Variants in ERC2 observed in about 807,000 individuals in gnomAD.
ERC2 encodes ERC protein 2.
A neutral mutation model predicts 114.8 loss-of-function variants in ERC2; 42 were observed. The ratio of observed to expected loss-of-function variants is 0.37; its 90% CI spans 0.29 to 0.47. ERC2 has a LOEUF of 0.47. Among genes scored for constraint, ERC2 ranks in the 20% least tolerant of loss-of-function variants. ERC2 has a pLI of 0.99. For missense variants in ERC2, 939 were observed against 1,150.7 expected, an observed-to-expected ratio of 0.82 and a Z score of 2.66; for synonymous variants, 454 against 425.5, an observed-to-expected ratio of 1.07 and a Z score of -0.82.
At chr3:56,460,223 G>C (rs1025820405) in intron 1 of ERC2, among the ~76,000 whole-genome samples, 1 of 152,208 alleles carries the variant, frequency 6.6e-6, no homozygotes, top group Non-Finnish European at 1.5e-5. Flanking sequence ...TGGTGCTTTT[G>C]GCATTGACAA....
intron 2 of ERC2, among the ~76,000 whole-genome samples, chr3:56,412,639 G>C (rs1408909408): frequency 6.6e-6 from 1 of 152,162 alleles, no homozygotes; most frequent in Non-Finnish European, 1.5e-5. Context: ...GGGCACTTTA[G>C]AGTCCAACCA....
intron 6 of ERC2, among the ~76,000 whole-genome samples, chr3:56,084,800 C>T (rs1462765156): frequency 6.6e-6 from 1 of 151,450 alleles, no homozygotes; most frequent in Non-Finnish European, 1.5e-5. Flanking sequence ...CCAGACTTCA[C>T]CACTATACGA....
chr3:56,197,570 G>A (rs13087905), intron 3 of ERC2, among the ~76,000 whole-genome samples: 69,371 of 151,994 alleles, frequency 0.46, 16,270 homozygotes, highest in East Asian at 0.71. Flanking sequence ...AGCAATAGCC[G>A]TCTGTACAAC....
intron 17 of ERC2, among the ~76,000 whole-genome samples, chr3:55,536,025 A>C (rs192436189): frequency 7.9e-4 from 121 of 152,242 alleles, no homozygotes; most frequent in Non-Finnish European, 1.1e-3. Flanking sequence ...ACAACAACAA[A>C]AAAACAATAG....
intron 2 of ERC2, among the ~76,000 whole-genome samples, chr3:56,367,918 G>A (rs528442794): frequency 6.0e-4 from 85 of 142,262 alleles, no homozygotes; most frequent in Non-Finnish European, 1.0e-3. Flanking sequence ...AGTATTGCTT[G>A]AGCCCAGGAG....
chr3:55,562,414 A>G (rs1277360448), intron 17 of ERC2, among the ~76,000 whole-genome samples: 5 of 149,698 alleles, frequency 3.3e-5, no homozygotes, highest in Admixed American at 6.6e-5. Context: ...AGGCCTCCCA[A>G]AGTGCTGGGA....
chr3:55,979,286 G>A (rs936333734), intron 12 of ERC2, among the ~76,000 whole-genome samples: 5 of 152,226 alleles, frequency 3.3e-5, no homozygotes, highest in African/African-American at 1.2e-4. Flanking sequence ...AATGGCTGGT[G>A]AGAGACTATT....
chr3:55,641,475 C>T (rs815468), intron 17 of ERC2, among the ~76,000 whole-genome samples: 108,016 of 147,608 alleles, frequency 0.73, 41,824 homozygotes, highest in Non-Finnish European at 0.85. Flanking sequence ...GCTTGAACCT[C>T]GGAGGCAGAG....
In ERC2 at chr3:56,434,695, C is replaced by T. The variant is rs749951626; in HGVS notation, c.313G>A (p.Ala105Thr). ...TCTGTGTGGGAAAGTCCAGCAGAAG[C>T]AATATTGGGACTACTCCCCATGGCT... ...VTAMGSSPNI[A>T]SAGLSHTDVL... Residue 105 changes from alanine to threonine, a missense_variant, in exon 2 of 18, where the codon GCT becomes ACT. Around this residue, in one of 5 missense-constraint regions of ERC2, gnomAD observed 281 missense variants for 307.4 expected, o/e 0.91. Coordinates refer to ENST00000288221, the MANE Select transcript of ERC2 (RefSeq NM_015576.3). 6.2e-7 allele frequency: 1 copy of T among 1,613,974 alleles called. No homozygotes were observed. Among genetic ancestry groups the T allele is most frequent in the East Asian group, 2.2e-5 (1 of 44,874 alleles).
At chr3:55,950,190 AC>A (rs2067402266) in intron 13 of ERC2, among the ~76,000 whole-genome samples, 2 of 152,228 alleles carry the variant, frequency 1.3e-5, no homozygotes, top group South Asian at 4.1e-4. Context: ...AGGTACAGGA[AC>A]CAAAAGACTC....
At chr3:56,026,057 CTTTTTTTTTTTTT>C (rs59635680) in intron 7 of ERC2, among the ~76,000 whole-genome samples, 2 of 69,210 alleles carry the variant, frequency 2.9e-5, no homozygotes, top group Admixed American at 1.9e-4. Context: ...CCGTTTCTTT[CTTTTTTTTTTTTT>C]TTTTTTTTTT....
At chr3:55,787,758 A>T (rs1341194960) in intron 14 of ERC2, among the ~76,000 whole-genome samples, 3 of 152,178 alleles carry the variant, frequency 2.0e-5, no homozygotes, top group Non-Finnish European at 4.4e-5. Flanking sequence ...CATATCTGAT[A>T]ATACTACTCC....
chr3:55,844,839 G>A (rs2061281168), intron 14 of ERC2, among the ~76,000 whole-genome samples: 1 of 152,184 alleles, frequency 6.6e-6, no homozygotes, highest in South Asian at 2.1e-4. Context: ...AAATGAATAA[G>A]CTACATCAGA....
At chr3:56,463,366 C>T (rs2063403264) in intron 1 of ERC2, among the ~76,000 whole-genome samples, 1 of 152,242 alleles carries the variant, frequency 6.6e-6, no homozygotes, top group Non-Finnish European at 1.5e-5. Flanking sequence ...ATACCACCCA[C>T]GTGTGTCTCA....
chr3:55,774,049 C>G (rs2068423396), intron 14 of ERC2, among the ~76,000 whole-genome samples: 1 of 152,216 alleles, frequency 6.6e-6, no homozygotes, highest in African/African-American at 2.4e-5. Context: ...TCTGGCTGCC[C>G]TGCTTAAGCT....
intron 2 of ERC2, among the ~76,000 whole-genome samples, chr3:56,353,991 CA>C (rs2058651427): frequency 6.6e-6 from 1 of 152,078 alleles, no homozygotes; most frequent in African/African-American, 2.4e-5. Flanking sequence ...GAGGCTAAGA[CA>C]CTCACCCAAA....
chr3:55,756,627 C>G (rs1249550403), intron 14 of ERC2, among the ~76,000 whole-genome samples: 3 of 152,186 alleles, frequency 2.0e-5, no homozygotes, highest in African/African-American at 7.2e-5. Context: ...CTGACATCTT[C>G]TGATGAATTA....
At position 56,084,997 on chromosome 3, in the gene ERC2, G is replaced by A. The variant is rs1292434576; in HGVS notation, c.1474-4013C>T. On this transcript the variant is annotated intron_variant, in intron 6 of 17. Transcript: ENST00000288221. ...GGTTCTGCTTTTAACTGCCTGAGAG[G>A]ATCAGGACAGATAACTCTCATTTCC... 6.6e-5 allele frequency among the ~76,000 whole-genome samples: 10 copies of A among 152,168 alleles called. No individual in the cohort carries two copies. The East Asian group carries it at 1.4e-3, about 21-fold the overall frequency.
At chr3:55,719,098 T>G (rs2064296012) in intron 15 of ERC2, among the ~76,000 whole-genome samples, 1 of 152,200 alleles carries the variant, frequency 6.6e-6, no homozygotes, top group South Asian at 2.1e-4. Context: ...CCCTGAGAAT[T>G]TATCCATATC....
Sources: allele counts gnomAD v4.1 joint callset (sites outside exome capture counted in the v4.1 genomes callset), GRCh38; gene constraint gnomAD v4.1.1; regional missense constraint gnomAD v4.1.1; transcripts MANE v1.5; gene names NCBI Gene and HGNC (gene_info 2026-07-23, HGNC 2026-07-21).